RIMOC1: variants seen among roughly 807,000 people sequenced by gnomAD.
RIMOC1 encodes RAB7A-interacting MON1-CCZ1 complex subunit 1.
At chr5:41,911,893 A>G in the RIMOC1 span, among the ~76,000 whole-genome samples, 1 of 151,982 alleles carries the variant, frequency 6.6e-6, no homozygotes, top group Non-Finnish European at 1.5e-5. Context: ...GGGTATATTT[A>G]TATTAGCAGA....
chr5:41,909,702 A>T, the RIMOC1 span: 1 of 1,405,858 alleles, frequency 7.1e-7, no homozygotes, highest in Admixed American at 2.6e-5. Flanking sequence ...TTTTTTTTCA[A>T]TTTTAAGTCA....
chr5:41,918,558 A>G, the RIMOC1 span: 36 of 985,270 alleles, frequency 3.7e-5, no homozygotes, highest in Non-Finnish European at 4.2e-5. Flanking sequence ...GATTAATCCT[A>G]TTTATTATCT....
the RIMOC1 span, chr5:41,911,135 A>G: frequency 6.2e-6 from 10 of 1,609,224 alleles, no homozygotes; most frequent in African/African-American, 1.1e-4. Flanking sequence ...TTCTCTTACC[A>G]AAAGAAGAGA....
At chr5:41,907,046 G>T in the RIMOC1 span, among the ~76,000 whole-genome samples, 1 of 152,150 alleles carries the variant, frequency 6.6e-6, no homozygotes, top group Non-Finnish European at 1.5e-5. Context: ...GCAACAAAGG[G>T]ATTATGACAT....
chr5:41,916,462 C>T, the RIMOC1 span: 3 of 965,916 alleles, frequency 3.1e-6, no homozygotes, highest in African/African-American at 3.5e-5. Context: ...TACAAAGCAT[C>T]TTGGAAATAA....
the RIMOC1 span, among the ~76,000 whole-genome samples, chr5:41,910,537 G>T: frequency 1.3e-5 from 2 of 151,516 alleles, no homozygotes; most frequent in African/African-American, 4.9e-5. Flanking sequence ...ATCTTTAACT[G>T]CCTGCTGACT....
At chr5:41,915,714 G>T in the RIMOC1 span, among the ~76,000 whole-genome samples, 6 of 152,124 alleles carry the variant, frequency 3.9e-5, no homozygotes. Context: ...CAGTATGGGG[G>T]AAACCGCCTC....
the RIMOC1 span, chr5:41,911,002 A>G: frequency 1.3e-6 from 2 of 1,584,956 alleles, no homozygotes; most frequent in South Asian, 1.2e-5. Flanking sequence ...ACTTTTATAG[A>G]CATCCAGTTT....
the RIMOC1 span, among the ~76,000 whole-genome samples, chr5:41,914,456 CAAACAAAACAAAACAAAACA>C: frequency 2.5e-4 from 37 of 146,606 alleles, no homozygotes; most frequent in South Asian, 5.4e-3. Flanking sequence ...GACTCTGTCT[CAAACAAAACAAAACAAAACA>C]AAACAAAACA....
chr5:41,909,469 A>G, the RIMOC1 span, among the ~76,000 whole-genome samples: 7 of 152,278 alleles, frequency 4.6e-5, no homozygotes, highest in Admixed American at 3.3e-4. Context: ...ATATGATTAA[A>G]TTCTGTAAAT....
At chr5:41,906,666 G>A in the RIMOC1 span, among the ~76,000 whole-genome samples, 2 of 152,306 alleles carry the variant, frequency 1.3e-5, no homozygotes, top group East Asian at 3.9e-4. Context: ...AGTGAAAGTG[G>A]ATCTTACAGC....
At chr5:41,906,764 G>C in the RIMOC1 span, among the ~76,000 whole-genome samples, 1 of 152,324 alleles carries the variant, frequency 6.6e-6, no homozygotes, top group African/African-American at 2.4e-5. Context: ...TGGTGCTTTT[G>C]CTCCAACAAT....
the RIMOC1 span, chr5:41,911,921 C>T: frequency 1.6e-6 from 1 of 633,916 alleles, no homozygotes; most frequent in East Asian, 2.9e-5. Flanking sequence ...GATGGTGGGT[C>T]TTTATACCAT....
At chr5:41,907,270 T>C in the RIMOC1 span, among the ~76,000 whole-genome samples, 1 of 152,220 alleles carries the variant, frequency 6.6e-6, no homozygotes, top group Non-Finnish European at 1.5e-5. Flanking sequence ...CTCATAATGC[T>C]GGCATTTTGT....
chr5:41,914,423 T>G, the RIMOC1 span, among the ~76,000 whole-genome samples: 3 of 151,542 alleles, frequency 2.0e-5, no homozygotes, highest in Non-Finnish European at 2.9e-5. Context: ...CACCACTGCA[T>G]TCCAGCCTGG....
chr5:41,906,545 A>G, the RIMOC1 span, among the ~76,000 whole-genome samples: 2 of 152,242 alleles, frequency 1.3e-5, no homozygotes, highest in Non-Finnish European at 2.9e-5. Context: ...AAGGCATGTC[A>G]TATTCCATGT....
the RIMOC1 span, chr5:41,921,386 C>T: frequency 6.6e-6 from 1 of 151,328 alleles, no homozygotes; most frequent in Non-Finnish European, 1.5e-5. Context: ...CTCCATCTGC[C>T]ACAGAATCCA....
At chr5:41,907,904 A>C in the RIMOC1 span, 2 of 937,010 alleles carry the variant, frequency 2.1e-6, no homozygotes, top group Admixed American at 2.6e-5. Context: ...TAGATGATTG[A>C]CTCCAACTTT....
chr5:41,912,227 C>T, the RIMOC1 span: 1 of 1,183,272 alleles, frequency 8.5e-7, no homozygotes, highest in Non-Finnish European at 1.2e-6. Flanking sequence ...TTTAAAGCTT[C>T]TTAAGATTTT....
Sources: allele counts gnomAD v4.1 joint callset (sites outside exome capture counted in the v4.1 genomes callset), GRCh38; gene constraint gnomAD v4.1.1; transcripts MANE v1.5; gene names NCBI Gene and HGNC (gene_info 2026-07-23, HGNC 2026-07-21).